The following SAMSN1 variants were observed in gnomAD, a reference collection of about 807,000 sequenced individuals.
SAMSN1 encodes SAM domain, SH3 domain and nuclear localization signals 1, also known as SAM domain-containing protein SAMSN-1.
In SAMSN1, 31 loss-of-function variants were observed where a neutral mutation model predicts 42.0. The observed-to-expected ratio is 0.74, with a 90% CI of 0.55 to 1.00. The LOEUF (loss-of-function observed/expected upper bound fraction) is 1.00. SAMSN1 is among the 50% of genes least tolerant of loss of function. SAMSN1 has a pLI of 0.00. For missense variants in SAMSN1, 464 were observed against 439.4 expected (o/e 1.06, Z -0.50); for synonymous variants, 178 against 151.9 (o/e 1.17, Z -1.26).
At chr21:14,633,572 A>G (rs975119401) in intron 2 of SAMSN1, among the ~76,000 whole-genome samples, 2 of 152,212 alleles carry the variant, frequency 1.3e-5, no homozygotes, top group African/African-American at 4.8e-5. Flanking sequence ...AAGTTATCCC[A>G]AGTTGAAAGT....
intron 3 of SAMSN1, among the ~76,000 whole-genome samples, chr21:14,513,217 A>G (rs1987766509): frequency 6.6e-6 from 1 of 152,220 alleles, no homozygotes; most frequent in Non-Finnish European, 1.5e-5. Context: ...TCCATATTTC[A>G]ATAGTTTGGA....
intron 2 of SAMSN1, among the ~76,000 whole-genome samples, chr21:14,574,460 G>A (rs765785769): frequency 2.6e-5 from 4 of 152,132 alleles, no homozygotes; most frequent in Non-Finnish European, 5.9e-5. Context: ...GAGAAAAGGA[G>A]CAAAATCCTT....
At chr21:14,590,874 A>ATT (rs1164109987) in intron 7 of SAMSN1, among the ~76,000 whole-genome samples, 1 of 152,190 alleles carries the variant, frequency 6.6e-6, no homozygotes. Context: ...TAAAAAGATA[A>ATT]TTTTTAAGGT....
chr21:14,615,657 G>C (rs1982815764), intron 3 of SAMSN1, among the ~76,000 whole-genome samples: 1 of 152,100 alleles, frequency 6.6e-6, no homozygotes, highest in Non-Finnish European at 1.5e-5. Flanking sequence ...AAATACTTCA[G>C]AAGATTTATA....
At chr21:14,589,845 C>T (rs1329472148) in intron 7 of SAMSN1, among the ~76,000 whole-genome samples, 5 of 152,136 alleles carry the variant, frequency 3.3e-5, no homozygotes, top group African/African-American at 4.8e-5. Context: ...AAATTTTCCT[C>T]TCTAGTGTCA....
At chr21:14,612,881 A>G (rs1484876400) in exon 4 of SAMSN1, 3 of 707,670 alleles carry the variant, frequency 4.2e-6, no homozygotes, top group African/African-American at 3.5e-5. Context: ...CTAACCAAAT[A>G]TTTTATTTTC....
At chr21:14,617,707 AT>A (rs1179938092) in intron 2 of SAMSN1, among the ~76,000 whole-genome samples, 1 of 152,256 alleles carries the variant, frequency 6.6e-6, no homozygotes, top group Non-Finnish European at 1.5e-5. Flanking sequence ...AATAAGGAAT[AT>A]GGGAAACATT....
At chr21:14,546,930 C>T (rs144693042), upstream of SAMSN1, among the ~76,000 whole-genome samples, 11 of 152,038 alleles carry the variant, frequency 7.2e-5, no homozygotes, top group East Asian at 5.8e-4. Flanking sequence ...AAGATGGTCT[C>T]GATCTCCTGA....
chr21:14,566,764 C>T (rs1181229903), intron 2 of SAMSN1, among the ~76,000 whole-genome samples: 3 of 152,096 alleles, frequency 2.0e-5, no homozygotes, highest in South Asian at 4.1e-4. Context: ...TCTTGAACTC[C>T]TGATCTCAAG....
intron 2 of SAMSN1, among the ~76,000 whole-genome samples, chr21:14,622,324 G>A (rs1227374914): frequency 3.9e-5 from 6 of 152,164 alleles, no homozygotes; most frequent in Admixed American, 6.5e-5. Context: ...AAACTTCTCC[G>A]AGCTAAAGGA....
rs34880996 is a variant in SAMSN1 at position 14,554,698 on chromosome 21, C to CTT, written c.261+27436_261+27437dup. Among the ~76,000 whole-genome samples the CTT allele has an allele frequency of 2.8e-3, 371 of 130,494 alleles. 1 individual carries two copies. Among genetic ancestry groups the CTT allele is most frequent in the African/African-American group, 6.7e-3 (233 of 34,754 alleles). The allele number at this position is 130,494 out of a possible 152,430, so 85.6% of individuals were successfully genotyped here. ...CAGTTAAGTCTTTTGTTTTCTTTTTCTTTTTTTTTTTTTTTTTTGAGACAA... is the reference window on the plus strand; with the variant it reads ...CAGTTAAGTCTTTTGTTTTCTTTTTCTTTTTTTTTTTTTTTTTTTTGAGACAA... On this transcript the variant is annotated intron_variant, in intron 2 of 8. Coordinates refer to the SAMSN1 transcript ENST00000285670.
chr21:14,568,919 A>C lies in SAMSN1; in HGVS notation c.261+13217T>G, dbSNP rs59349620. ...GAAAGCAGGATGACAGATTCATTTC[A>C]CACAAAAATGCACTCCTTCAAAATA... On this transcript the variant is annotated intron_variant, in intron 2 of 8. Transcript: ENST00000285670. Among the ~76,000 whole-genome samples, 453 of 152,304 alleles carry C rather than the reference A, an allele frequency of 3.0e-3. 1 individual carries two copies. The highest frequency in any genetic ancestry group is 0.01 in the African/African-American group (429 of 41,568).
chr21:14,577,240 A>T (rs8131615), intron 2 of SAMSN1, among the ~76,000 whole-genome samples: 1 of 11,602 alleles, frequency 8.6e-5, no homozygotes, highest in Non-Finnish European at 1.4e-4. Flanking sequence ...ATATGTGTGT[A>T]TATATATATA....
chr21:14,629,655 G>T (rs1386408860), intron 2 of SAMSN1, among the ~76,000 whole-genome samples: 1 of 152,138 alleles, frequency 6.6e-6, no homozygotes, highest in East Asian at 1.9e-4. Context: ...AGGTCCTGTA[G>T]CTTATAGCGC....
exon 1 of SAMSN1, chr21:14,583,368 C>T (rs1981817977): frequency 6.8e-6 from 2 of 292,654 alleles, no homozygotes; most frequent in African/African-American, 4.4e-5. Context: ...TTTCTATGGC[C>T]AAGGAATGGC....
intron 6 of SAMSN1, among the ~76,000 whole-genome samples, chr21:14,600,820 G>C (rs898185440): frequency 6.6e-6 from 1 of 152,132 alleles, no homozygotes; most frequent in Non-Finnish European, 1.5e-5. Flanking sequence ...GCTTGTTTCA[G>C]AGATAATCTT....
intron 2 of SAMSN1, among the ~76,000 whole-genome samples, chr21:14,640,617 T>C (rs1983570897): frequency 6.6e-6 from 1 of 151,070 alleles, no homozygotes; most frequent in Non-Finnish European, 1.5e-5. Context: ...CTCCAAACCA[T>C]TAACTGGGGA....
At chr21:14,582,085 C>T in intron 2 of SAMSN1, 1 of 1,437,436 alleles carries the variant, frequency 7.0e-7, no homozygotes, top group Non-Finnish European at 9.3e-7. Flanking sequence ...TCTTTCCCGA[C>T]AGTACAAAAC....
intron 5 of SAMSN1, among the ~76,000 whole-genome samples, chr21:14,506,701 G>A (rs561572549): frequency 1.3e-5 from 2 of 152,218 alleles, no homozygotes; most frequent in African/African-American, 4.8e-5. Context: ...TATGAAGCCA[G>A]TATCACCCTA....
Sources: allele counts gnomAD v4.1 joint callset (sites outside exome capture counted in the v4.1 genomes callset), GRCh38; gene constraint gnomAD v4.1.1; transcripts MANE v1.5; gene names NCBI Gene and HGNC (gene_info 2026-07-23, HGNC 2026-07-21).